MTHFSD: variants seen among roughly 807,000 people sequenced by gnomAD.
MTHFSD encodes the protein methenyltetrahydrofolate synthetase domain containing, also known as methenyltetrahydrofolate synthase domain-containing protein.
In MTHFSD, 37 loss-of-function variants were observed where a neutral mutation model predicts 31.1. The observed-to-expected ratio is 1.19, with a 90% CI of 0.91 to 1.56. The LOEUF (loss-of-function observed/expected upper bound fraction) is 1.56. Ranked by LOEUF, MTHFSD falls within the 40% of genes most tolerant of loss-of-function variation. The pLI is 0.00. For missense variants in MTHFSD, 664 were observed against 510.1 expected, an observed-to-expected ratio of 1.30 and a Z score of -2.91; for synonymous variants, 221 against 206.9, an observed-to-expected ratio of 1.07 and a Z score of -0.59.
Position 86,552,061 on chromosome 16 carries a change from A to C in MTHFSD, c.209T>G (p.Leu70Arg), listed in dbSNP as rs974198202. 8.7e-6 allele frequency: 14 copies of C among 1,614,080 alleles called. No homozygotes were observed. Among genetic ancestry groups the C allele is most frequent in the Non-Finnish European group, 1.1e-5 (13 of 1,180,054 alleles). The change falls in exon 3 of 8, where the codon CTG becomes CGG. Residue 70 changes from leucine to arginine, a missense_variant. Leu to Arg is a moderately radical substitution (Grantham distance 102). Coordinates refer to ENST00000360900, the MANE Select transcript of MTHFSD (RefSeq NM_001159377.2). ...QEVKVDPDKP[L>R]EGVRLLVLQS... ...CAGCACCAGCAGCCGAACGCCTTCC[A>C]GTGGTTTATCAGGGTCCACTTTAAC...
intron 4 of MTHFSD, among the ~76,000 whole-genome samples, chr16:86,546,945 C>T (rs936977054): frequency 1.3e-5 from 2 of 152,180 alleles, no homozygotes; most frequent in African/African-American, 4.8e-5. Flanking sequence ...GGCAGAAGAG[C>T]ACAGTGGTGA....
At chr16:86,538,132 C>T (rs1004854793) in intron 7 of MTHFSD, among the ~76,000 whole-genome samples, 2 of 152,268 alleles carry the variant, frequency 1.3e-5, no homozygotes, top group Non-Finnish European at 2.9e-5. Context: ...CCCACTCAGG[C>T]TGGCCTTGCC....
At chr16:86,552,220 G>C in intron 2 of MTHFSD, 74 bp from the exon 3 acceptor site, 3 of 1,613,580 alleles carry the variant, frequency 1.9e-6, no homozygotes, top group Admixed American at 1.7e-5. Flanking sequence ...GGGGCATCAG[G>C]ATTTACTTTA....
At position 86,555,196 on chromosome 16, in the gene MTHFSD, C is replaced by T. The variant is rs1031987023; in HGVS notation, c.-12G>A. ...GCCCTCGGCTCCATGGTGATGCAGT[C>T]GCTGTGCGACGCTTCCCGGCGCAGG... On this transcript the variant is annotated 5_prime_UTR_variant, in exon 1 of 8. Transcript: ENST00000360900. 12 of 1,536,616 alleles carry T rather than the reference C, an allele frequency of 7.8e-6. No homozygotes were observed. Among genetic ancestry groups the T allele is most frequent in the Admixed American group, 3.9e-5 (2 of 50,996 alleles).
intron 7 of MTHFSD, chr16:86,541,207 A>G: frequency 7.8e-7 from 1 of 1,289,872 alleles, no homozygotes; most frequent in Non-Finnish European, 1.0e-6. Context: ...ATCTGGAGAT[A>G]AAAACCACAA....
chr16:86,549,707 G>C (rs1809367817), intron 3 of MTHFSD, among the ~76,000 whole-genome samples: 1 of 152,224 alleles, frequency 6.6e-6, no homozygotes, highest in African/African-American at 2.4e-5. Context: ...CCAGAGACTG[G>C]AACCTGGCAT....
intron 2 of MTHFSD, among the ~76,000 whole-genome samples, chr16:86,554,256 C>G (rs1973697685): frequency 6.6e-6 from 1 of 152,228 alleles, no homozygotes; most frequent in Non-Finnish European, 1.5e-5. Flanking sequence ...CCAGCAAAGA[C>G]CGTGAACCCA....
At position 86,531,474 on chromosome 16, in the gene MTHFSD, G is replaced by A. The variant is rs1423949540; in HGVS notation, c.*537C>T. ...TGAGGACTGATCTGAGCTGCAGTGA[G>A]CACTTTTTACCCAGGGGCTGAGCTT... is the stretch of plus-strand genomic sequence containing the variant. On this transcript the variant is annotated 3_prime_UTR_variant, in exon 8 of 8. Transcript: ENST00000360900. This position sits in a 1 kb window ranked among gnomAD's most constrained non-coding sequence, Gnocchi z 5.5. The A allele has an allele frequency of 6.6e-6, 1 of 152,294 alleles. No individual in the cohort carries two copies. Among genetic ancestry groups the A allele is most frequent in the Non-Finnish European group, 1.5e-5 (1 of 68,098 alleles). The allele number at this position is 152,294 out of a possible 1,614,324, so 9.4% of individuals were successfully genotyped here.
At chr16:86,534,702 G>T (rs1970430959) in intron 7 of MTHFSD, among the ~76,000 whole-genome samples, 1 of 152,184 alleles carries the variant, frequency 6.6e-6, no homozygotes, top group East Asian at 1.9e-4. Context: ...CAATTGCAAT[G>T]ACAGAAAAAG....
chr16:86,547,622 C>T lies in MTHFSD; in HGVS notation c.351+842G>A, dbSNP rs555096626. On this transcript the variant is annotated intron_variant, in intron 4 of 7. Coordinates refer to ENST00000360900, the MANE Select transcript of MTHFSD (RefSeq NM_001159377.2). ...TGAATGCTGACCATCACCATGCTTT[C>T]GTCTCAGTTTTCTATCTTTCTTTTT... The T allele has an allele frequency of 7.3e-5, 67 of 911,826 alleles. No homozygotes were observed. In the South Asian group the frequency reaches 2.3e-3, roughly 32 times the overall value. 56.5% of individuals were successfully genotyped at this position (911,826 alleles called of 1,614,324 possible).
chr16:86,546,757 A>C (rs1972370745), intron 4 of MTHFSD, 108 bp from the exon 5 acceptor site: 2 of 925,394 alleles, frequency 2.2e-6, no homozygotes. Flanking sequence ...TGGACAAAAC[A>C]GATGCAGGCA....
chr16:86,554,818 ACAGTAGTTAAGCGACCC>A, intron 1 of MTHFSD, 67 bp from the exon 2 acceptor site: 1 of 1,397,590 alleles, frequency 7.2e-7, no homozygotes, highest in Non-Finnish European at 1.0e-6. Flanking sequence ...AAACCGCTTA[ACAGTAGTTAAGCGACCC>A]CCGCGTGTAG....
chr16:86,543,221 T>C (rs1971774142), intron 5 of MTHFSD, among the ~76,000 whole-genome samples: 1 of 152,250 alleles, frequency 6.6e-6, no homozygotes, highest in African/African-American at 2.4e-5. Flanking sequence ...CACTGCTCAC[T>C]AGCGGACTGC....
chr16:86,548,424 C>T, intron 4 of MTHFSD, 40 bp downstream of exon 4: 1 of 1,497,970 alleles, frequency 6.7e-7, no homozygotes, highest in Non-Finnish European at 9.3e-7. Context: ...TCACAGGGTA[C>T]AGTTCTTTCC....
chr16:86,532,472 C>T lies in MTHFSD; in HGVS notation c.691G>A (p.Glu231Lys). 2.8e-6 allele frequency: 4 copies of T among 1,416,000 alleles called. No individual in the cohort carries two copies. Among genetic ancestry groups the T allele is most frequent in the Non-Finnish European group, 3.7e-6 (4 of 1,082,568 alleles). The allele number at this position is 1,416,000 out of a possible 1,614,324, so 87.7% of individuals were successfully genotyped here. ...MGITWFKISL[E>K]MMEKIPILRS... Reference sequence around the variant, plus strand: ...AGTATGGGGATTTTCTCCATCATCTCCAGGCTGATCTGAAAAGCAAAGCAG... The same window carrying T: ...AGTATGGGGATTTTCTCCATCATCTTCAGGCTGATCTGAAAAGCAAAGCAG... The change falls in exon 8 of 8, where the codon GAG becomes AAG. Residue 231 changes from glutamate to lysine, a missense_variant. Physicochemically the swap from Glu to Lys is moderately conservative, Grantham distance 56. Coordinates refer to ENST00000360900, the MANE Select transcript of MTHFSD (RefSeq NM_001159377.2).
At chr16:86,554,570 A>G (rs926356145) in intron 2 of MTHFSD, 75 bp downstream of exon 2, 2 of 1,139,194 alleles carry the variant, frequency 1.8e-6, no homozygotes, top group African/African-American at 3.1e-5. Flanking sequence ...ACGCAGTAAG[A>G]GAATTTTATT....
At position 86,532,327 on chromosome 16, in the gene MTHFSD, G is replaced by T. The variant is rs1272452143; in HGVS notation, c.836C>A (p.Pro279His). Residue 279 changes from proline to histidine, a missense_variant, in exon 8 of 8, where the codon CCC becomes CAC. Transcript: ENST00000360900. ...QTVPLSVGRR[P>H]PDTPGPETNS... ...GGTTTCTGGTCCGGGTGTGTCCGGG[G>T]GCCTCCTGCCAACACTCAGGGGCAC... The T allele has an allele frequency of 4.4e-6, 7 of 1,596,058 alleles. No homozygotes were observed. The highest frequency in any genetic ancestry group is 1.7e-5 in the Admixed American group (1 of 57,510).
Position 86,554,625 on chromosome 16 carries a change from C to G in MTHFSD, c.123+20G>C. The G allele has an allele frequency of 6.4e-7, 1 of 1,567,882 alleles. No homozygotes were observed. Among genetic ancestry groups the G allele is most frequent in the Non-Finnish European group, 8.8e-7 (1 of 1,142,836 alleles). ...GAATATTTTGTTTTCCTTTTCTGGACTCCAGAAATATGTCAGTACCTTAAA... is the reference window on the plus strand; with the variant it reads ...GAATATTTTGTTTTCCTTTTCTGGAGTCCAGAAATATGTCAGTACCTTAAA... On this transcript the variant is annotated intron_variant, in intron 2 of 7. Transcript: ENST00000360900.
chr16:86,555,042 C>T (rs1326299498), intron 1 of MTHFSD, 127 bp downstream of exon 1: 8 of 1,467,378 alleles, frequency 5.5e-6, no homozygotes, highest in Non-Finnish European at 6.3e-6. Context: ...CCCCTCTGAC[C>T]TCCTCGGCCG....
Sources: gnomAD v4.1 joint callset for allele counts (sites outside exome capture counted in the v4.1 genomes callset) on GRCh38, gnomAD v4.1.1 for gene constraint, Gnocchi (gnomAD v3.1) non-coding constraint, MANE v1.5 for transcripts, NCBI Gene and HGNC (gene_info 2026-07-23, HGNC 2026-07-21) for gene names.